LAMTOR5: variants seen among roughly 807,000 people sequenced by gnomAD.
LAMTOR5 encodes late endosomal/lysosomal adaptor, MAPK and MTOR activator 5.
A neutral mutation model predicts 12.1 loss-of-function variants in LAMTOR5; 8 were observed. That is an observed-to-expected ratio of 0.66 (90% confidence interval 0.39 to 1.19). LAMTOR5 has a LOEUF of 1.19. Ranked by LOEUF, LAMTOR5 falls within the 50% of genes most tolerant of loss-of-function variation. LAMTOR5 has a pLI of 0.01. For missense variants in LAMTOR5, 110 were observed against 112.8 expected (o/e 0.97, Z 0.11); for synonymous variants, 37 against 41.9 (o/e 0.88, Z 0.45).
Position 110,401,314 on chromosome 1 carries a change from G to A in LAMTOR5, c.*209C>T, listed in dbSNP as rs917430781. ...TCTATATACAAAGTGACCTGGACCT[G>A]CTGCTTCAAAACATGATCCTTTCTT... On this transcript the variant is annotated 3_prime_UTR_variant, in exon 4 of 4. Transcript: ENST00000602318. The A allele has an allele frequency of 1.9e-5, 8 of 423,250 alleles. No individual in the cohort carries two copies. Among genetic ancestry groups the A allele is most frequent in the Admixed American group, 8.1e-5 (2 of 24,562 alleles). 26.2% of individuals were successfully genotyped at this position (423,250 alleles called of 1,614,324 possible).
intron 2 of LAMTOR5, 95 bp downstream of exon 2, chr1:110,406,223 A>C (rs543637827): frequency 2.6e-6 from 2 of 774,168 alleles, no homozygotes; most frequent in East Asian, 5.7e-5. Flanking sequence ...GCAAGGTAAC[A>C]GGAAATAAAA....
At chr1:110,407,729 C>G (rs375641327), upstream of LAMTOR5, 5 of 1,614,078 alleles carry the variant, frequency 3.1e-6, no homozygotes, top group South Asian at 5.5e-5. Flanking sequence ...ACGGCGCCTC[C>G]AAAGGGACAA....
intron 2 of LAMTOR5, 34 bp downstream of exon 2, chr1:110,406,284 A>ATCTGCTATGCTATGCTAT: frequency 7.0e-7 from 1 of 1,437,816 alleles, no homozygotes; most frequent in East Asian, 2.4e-5. Flanking sequence ...GATGCTATGC[A>ATCTGCTATGCTATGCTAT]ATTCATCAAA....
Position 110,404,737 on chromosome 1 carries a change from A to C in LAMTOR5, c.98-701T>G, listed in dbSNP as rs1319838616. 2.6e-5 allele frequency among the ~76,000 whole-genome samples: 4 copies of C among 152,194 alleles called. No homozygotes were observed. The East Asian group carries it at 5.8e-4, about 22-fold the overall frequency. On this transcript the variant is annotated intron_variant, in intron 2 of 3. Transcript: ENST00000602318. ...TCAGTTCTATGTAAGCATTTTATAC[A>C]TATTATATAACCTTAAAATATCGTG... is the stretch of plus-strand genomic sequence containing the variant.
intron 3 of LAMTOR5, 120 bp from the exon 4 acceptor site, chr1:110,401,703 AAAGC>A: frequency 9.3e-7 from 1 of 1,072,008 alleles, no homozygotes; most frequent in Non-Finnish European, 1.3e-6. Context: ...TCTACGTATA[AAAGC>A]AATATTTAAA....
upstream of LAMTOR5, chr1:110,407,909 T>C: frequency 6.3e-7 from 1 of 1,584,026 alleles, no homozygotes; most frequent in South Asian, 1.1e-5. Flanking sequence ...TCGGGAGAGG[T>C]CTGCAGCCGG....
chr1:110,407,204 A>G (rs1455958202), intron 1 of LAMTOR5: 1 of 577,942 alleles, frequency 1.7e-6, no homozygotes, highest in Non-Finnish European at 3.1e-6. Flanking sequence ...CACACAGGAG[A>G]TACGTGTTTG....
At chr1:110,407,563 C>A (rs746760347) in intron 1 of LAMTOR5, 23 bp downstream of exon 1, 1 of 1,609,484 alleles carries the variant, frequency 6.2e-7, no homozygotes, top group Non-Finnish European at 8.5e-7. Flanking sequence ...TCAGGACAGG[C>A]CGAAGAGGCG....
At position 110,401,357 on chromosome 1, in the gene LAMTOR5, C is replaced by T. The variant is rs1051122046; in HGVS notation, c.*166G>A. On this transcript the variant is annotated 3_prime_UTR_variant, in exon 4 of 4. Coordinates refer to ENST00000602318, the MANE Select transcript of LAMTOR5 (RefSeq NM_001382293.1). ...CCTTTCTTACTAATATCTTGATAGT[C>T]GGTCCATAGAGCATTAGAAAGCAAT... The T allele has an allele frequency of 1.3e-5, 7 of 527,288 alleles. No individual in the cohort carries two copies. Among genetic ancestry groups the T allele is most frequent in the East Asian group, 1.3e-4 (4 of 31,916 alleles). The allele number at this position is 527,288 out of a possible 1,614,324, so 32.7% of individuals were successfully genotyped here.
At chr1:110,401,653 G>T in intron 3 of LAMTOR5, 70 bp from the exon 4 acceptor site, 1 of 1,490,488 alleles carries the variant, frequency 6.7e-7, no homozygotes, top group Non-Finnish European at 9.3e-7. Flanking sequence ...TAAAGATGTT[G>T]TTTGCTTTAG....
Position 110,406,027 on chromosome 1 carries a change from G to A in LAMTOR5, c.97+291C>T, listed in dbSNP as rs555114920. ...TACATTCAATAAATGGTTAACAGCT[G>A]TTATTATCTGAAGTCCTTTCTAGAC... On this transcript the variant is annotated intron_variant, in intron 2 of 3. Transcript: ENST00000602318. Among the ~76,000 whole-genome samples, 6 of 152,304 alleles carry A rather than the reference G, an allele frequency of 3.9e-5. No homozygotes were observed. In the South Asian group the frequency reaches 8.3e-4, roughly 21 times the overall value.
At chr1:110,401,741 C>A (rs988735626) in intron 3 of LAMTOR5, among the ~76,000 whole-genome samples, 158 bp from the exon 4 acceptor site, 5 of 152,178 alleles carry the variant, frequency 3.3e-5, no homozygotes, top group African/African-American at 1.2e-4. Context: ...TTGGGAAATA[C>A]ATAAACATAT....
chr1:110,402,665 T>C (rs955490335), intron 3 of LAMTOR5, among the ~76,000 whole-genome samples: 1 of 152,170 alleles, frequency 6.6e-6, no homozygotes, highest in Non-Finnish European at 1.5e-5. Flanking sequence ...TTACAGGAGA[T>C]GACAACTCCA....
chr1:110,407,508 C>T lies in LAMTOR5; in HGVS notation c.35+78G>A, dbSNP rs1000583292. The T allele has an allele frequency of 1.6e-5, 24 of 1,529,084 alleles. No individual in the cohort carries two copies. The Middle Eastern group carries it at 6.9e-4, about 44-fold the overall frequency. 94.7% of individuals were successfully genotyped at this position (1,529,084 alleles called of 1,614,324 possible). A position where few individuals can be genotyped will look rare whatever the true frequency, so the allele number is the denominator to read the frequency against. On this transcript the variant is annotated intron_variant, in intron 1 of 3. Transcript: ENST00000602318. ...TCCCCGAGACGCCCTGGCCGGTACT[C>T]GCAGCTCGCGCCTTTCGTTCCGCTC...
At position 110,401,382 on chromosome 1, in the gene LAMTOR5, T is replaced by C; in HGVS notation, c.*141A>G. On this transcript the variant is annotated 3_prime_UTR_variant, in exon 4 of 4. Transcript: ENST00000602318. ...CGGTCCATAGAGCATTAGAAAGCAA[T>C]TGACTCTTAAATAAACAGAAAAGTG... 3.9e-6 allele frequency: 3 copies of C among 767,272 alleles called. No individual in the cohort carries two copies. The highest frequency in any genetic ancestry group is 4.0e-6 in the Non-Finnish European group (2 of 494,420). The allele number at this position is 767,272 out of a possible 1,614,324, so 47.5% of individuals were successfully genotyped here.
intron 2 of LAMTOR5, 50 bp from the exon 3 acceptor site, chr1:110,404,086 T>C (rs774217795): frequency 3.8e-6 from 6 of 1,596,914 alleles, no homozygotes; most frequent in Non-Finnish European, 5.1e-6. Flanking sequence ...AGAGTATTTC[T>C]GCTAAAATAA....
chr1:110,404,908 C>T (rs1007541285), intron 2 of LAMTOR5, among the ~76,000 whole-genome samples: 4 of 151,762 alleles, frequency 2.6e-5, no homozygotes, highest in Admixed American at 1.3e-4. Context: ...ATTATCTGGG[C>T]GTGGTGGCAG....
intron 1 of LAMTOR5, 54 bp downstream of exon 1, chr1:110,407,532 T>C (rs1273268965): frequency 1.9e-6 from 3 of 1,585,440 alleles, no homozygotes; most frequent in East Asian, 4.5e-5. Context: ...TTCGTTCCGC[T>C]CAAGTTCCTC....
chr1:110,407,544 G>A (rs371514960), intron 1 of LAMTOR5, 42 bp downstream of exon 1: 229 of 1,593,496 alleles, frequency 1.4e-4, no homozygotes, highest in Non-Finnish European at 1.5e-4. Flanking sequence ...AAGTTCCTCC[G>A]CCGCGACCTC....
Sources: gnomAD v4.1 joint callset for allele counts (sites outside exome capture counted in the v4.1 genomes callset) on GRCh38, gnomAD v4.1.1 for gene constraint, MANE v1.5 for transcripts, NCBI Gene and HGNC (gene_info 2026-07-23, HGNC 2026-07-21) for gene names.